RP1L1: variants seen among roughly 807,000 people sequenced by gnomAD.
RP1L1 encodes the protein RP1 like 1, also known as retinitis pigmentosa 1-like 1 protein.
Under a neutral mutation model 15.7 loss-of-function variants are expected in RP1L1, and 27 were observed. That is an observed-to-expected ratio of 1.72 (90% CI 1.27 to 2.38). The LOEUF is 2.38. Among genes scored for constraint, RP1L1 ranks in the 30% most tolerant of loss-of-function variants. The pLI is 0.00. For missense variants in RP1L1, 4,798 were observed against 3,075.9 expected (o/e 1.56, Z -13.24); for synonymous variants, 1,813 against 1,276.7 (o/e 1.42, Z -8.96).
At chr8:10,645,450 T>G (rs1005374128) in intron 1 of RP1L1, among the ~76,000 whole-genome samples, 3 of 152,176 alleles carry the variant, frequency 2.0e-5, no homozygotes, top group African/African-American at 7.2e-5. Flanking sequence ...AAATTAGTGG[T>G]GTCCAGACGT....
intron 3 of RP1L1, 79 bp from the exon 4 acceptor site, chr8:10,613,425 C>G (rs1482730368): frequency 2.5e-6 from 4 of 1,572,088 alleles, no homozygotes; most frequent in Middle Eastern, 1.7e-4. Flanking sequence ...AGGAATAAAA[C>G]AGTCACGAGC....
intron 1 of RP1L1, among the ~76,000 whole-genome samples, chr8:10,653,734 A>G (rs1798597374): frequency 6.6e-6 from 1 of 152,180 alleles, no homozygotes; most frequent in African/African-American, 2.4e-5. Flanking sequence ...GTTAGAAGAG[A>G]GCAGCAGGCC....
chr8:10,611,437 G>T lies in RP1L1; in HGVS notation c.2661C>A (p.Ser887Arg), dbSNP rs767595686. ...HQSTARGPGG[S>R]PQEGTRQPGP... is the part of the protein sequence containing the mutation. ...CTGGCTGGCGTGTCCCCTCCTGCGG[G>T]CTCCCACCTGGCCCCCGGGCAGTGC... Residue 887 changes from serine to arginine, a missense_variant, in exon 4 of 4, where the codon AGC becomes AGA. By Grantham distance (110) the Ser-to-Arg change is moderately radical (BLOSUM62 -1). Transcript: ENST00000382483. 6.3e-7 allele frequency: 1 copy of T among 1,575,122 alleles called. No homozygotes were observed.
Position 10,609,677 on chromosome 8 carries a change from T to C in RP1L1, c.4421A>G (p.Glu1474Gly). The C allele has an allele frequency of 6.2e-7, 1 of 1,612,446 alleles. No individual in the cohort carries two copies. The highest frequency in any genetic ancestry group is 1.1e-5 in the South Asian group (1 of 91,070). ...ASERQSGSQL[E>G]PGLEKPPGAT... ...TCCGGGCGGCTTTTCCAAACCAGGC[T>C]CAAGCTGGGAGCCACTCTGCCTCTC... The change falls in exon 4 of 4, where the codon GAG becomes GGG. Residue 1474 changes from glutamate (E) to glycine (G), a missense_variant. Glu to Gly is a moderately conservative substitution (Grantham distance 98). Coordinates refer to ENST00000382483, the MANE Select transcript of RP1L1 (RefSeq NM_178857.6).
In RP1L1 at chr8:10,612,543, C is replaced by T. The variant is rs775657453; in HGVS notation, c.1555G>A (p.Gly519Ser). ...CTCCGGGCCCTCGGTGTCAGGCGGC[C>T]GCCTTGCTCTGGGCCGCCCAGCCCT... is the stretch of plus-strand genomic sequence containing the variant. The part of the protein sequence containing the change: ...GAGLGGPEQG[G>S]RLTPRARSEE... The change falls in exon 4 of 4, where the codon GGC (glycine) becomes AGC (serine). Residue 519 changes from glycine (G) to serine (S), a missense_variant. Physicochemically the swap from Gly to Ser is moderately conservative, Grantham distance 56. Coordinates refer to ENST00000382483, the MANE Select transcript of RP1L1 (RefSeq NM_178857.6). 8.2e-5 allele frequency: 132 copies of T among 1,609,690 alleles called. No homozygotes were observed. In the East Asian group the frequency reaches 1.6e-3, roughly 20 times the overall value.
chr8:10,624,226 G>A (rs533862751), intron 1 of RP1L1, among the ~76,000 whole-genome samples: 8 of 152,246 alleles, frequency 5.3e-5, no homozygotes, highest in South Asian at 2.1e-4. Context: ...AGATTTCTGA[G>A]CATCTATTGC....
intron 1 of RP1L1, among the ~76,000 whole-genome samples, chr8:10,623,438 G>C (rs1798106299): frequency 6.6e-6 from 1 of 152,158 alleles, no homozygotes; most frequent in South Asian, 2.1e-4. Flanking sequence ...AATTGCTTGA[G>C]CTCAGGAGTT....
rs775956678 is a variant in RP1L1 at position 10,623,163 on chromosome 8, G to T, written c.39C>A (p.His13Gln). 3.1e-6 allele frequency: 5 copies of T among 1,587,704 alleles called. No homozygotes were observed. The highest frequency in any genetic ancestry group is 4.3e-6 in the Non-Finnish European group (5 of 1,165,818). The change falls in exon 2 of 4, where the codon CAC becomes CAA. Residue 13 changes from histidine to glutamine, a missense_variant. His to Gln is a conservative substitution (Grantham distance 24, BLOSUM62 0). Transcript: ENST00000382483. ...CCACAGAGGGCAGGAAGCACTCACGGTGGCTCGGGGCCTGGGCATTCCTGG... is the reference window on the plus strand; with the variant it reads ...CCACAGAGGGCAGGAAGCACTCACGTTGGCTCGGGGCCTGGGCATTCCTGG... ...STPRNAQAPS[H>Q]RECFLPSVAR...
In RP1L1 at chr8:10,622,766, TC is replaced by T. The variant is rs747832575; in HGVS notation, c.435del (p.Lys146ArgfsTer11). On this transcript the variant is annotated frameshift_variant, in exon 2 of 4. Coordinates refer to ENST00000382483, the MANE Select transcript of RP1L1 (RefSeq NM_178857.6). LOFTEE classifies it high-confidence loss of function. ...QREAPGTSSS[R>X]KSLKTPRRIL... Reference sequence around the variant, plus strand: ...ATCCTCCGGGGGGTTTTAAGACTCTTCCGGGAGGAGGAGGTGCCTGGGGCTT... The same window carrying T: ...ATCCTCCGGGGGGTTTTAAGACTCTTCGGGAGGAGGAGGTGCCTGGGGCTT... The T allele has an allele frequency of 3.1e-5, 50 of 1,613,868 alleles. No homozygotes were observed. The highest frequency in any genetic ancestry group is 4.2e-5 in the Non-Finnish European group (49 of 1,179,978).
chr8:10,626,114 C>T (rs759040614), intron 1 of RP1L1, among the ~76,000 whole-genome samples: 8 of 152,028 alleles, frequency 5.3e-5, no homozygotes, highest in South Asian at 2.1e-4. Flanking sequence ...AGGGGCAGGG[C>T]GGACCTGCAG....
intron 1 of RP1L1, among the ~76,000 whole-genome samples, chr8:10,645,859 G>A (rs1213464956): frequency 6.7e-6 from 1 of 149,098 alleles, no homozygotes; most frequent in Admixed American, 6.8e-5. Flanking sequence ...GCTCCACATG[G>A]CATGACAAGC....
rs2117202790 is a variant in RP1L1, at chr8:10,611,598, C to A, written c.2500G>T (p.Ala834Ser). 6.2e-7 allele frequency: 1 copy of A among 1,611,774 alleles called. No homozygotes were observed. The highest frequency in any genetic ancestry group is 2.2e-5 in the East Asian group (1 of 44,836). ...GAGGGTCCCCGCTGGGCCTCTTGGGCCGGCTGCGTCCCAGGCTGTGAGCAG... is the reference window on the plus strand; with the variant it reads ...GAGGGTCCCCGCTGGGCCTCTTGGGACGGCTGCGTCCCAGGCTGTGAGCAG... The part of the protein sequence containing the change: ...HCCSQPGTQP[A>S]QEAQRGPSPE... Residue 834 changes from alanine (A) to serine (S), a missense_variant, in exon 4 of 4, where the codon GCC becomes TCC. Physicochemically the swap from Ala to Ser is moderately conservative, Grantham distance 99. Transcript: ENST00000382483.
In RP1L1 at chr8:10,608,886, G is replaced by T. The variant is rs1172317112; in HGVS notation, c.5212C>A (p.Pro1738Thr). 2 of 1,613,790 alleles carry T rather than the reference G, an allele frequency of 1.2e-6. No homozygotes were observed. The highest frequency in any genetic ancestry group is 1.7e-6 in the Non-Finnish European group (2 of 1,180,026). Reference sequence around the variant, plus strand: ...CCATCCTCACCCTCGTCCACTCCAGGCCCCTGGCTCAGCCCCGGCCCCAGC... The same window carrying T: ...CCATCCTCACCCTCGTCCACTCCAGTCCCCTGGCTCAGCCCCGGCCCCAGC... ...GGLGPGLSQG[P>T]GVDEGEDGEG... The change falls in exon 4 of 4, where the codon CCT (proline) becomes ACT (threonine). Residue 1738 changes from proline (P) to threonine (T), a missense_variant. Physicochemically the swap from Pro to Thr is conservative, Grantham distance 38. Coordinates refer to ENST00000382483, the MANE Select transcript of RP1L1 (RefSeq NM_178857.6).
rs1797868578 is a variant in RP1L1, at chr8:10,612,059, G to C, written c.2039C>G (p.Ser680Cys). 6.2e-7 allele frequency: 1 copy of C among 1,613,792 alleles called. No homozygotes were observed. The highest frequency in any genetic ancestry group is 1.7e-5 in the Admixed American group (1 of 60,016). Residue 680 changes from serine to cysteine, a missense_variant, in exon 4 of 4, where the codon TCC becomes TGC. Coordinates refer to ENST00000382483, the MANE Select transcript of RP1L1 (RefSeq NM_178857.6). ...CCTCGGCACTTGCTTGGTTACAGAG[G>C]AGTCCAGTGGGCTGTGGGTGTCCTT... ...YRKDTHSPLDSSVTKQVPRPP... is the reference protein window; with the variant it reads ...YRKDTHSPLDCSVTKQVPRPP...
At position 10,610,481 on chromosome 8, in the gene RP1L1, C is replaced by T. The variant is rs765252503; in HGVS notation, c.3617G>A (p.Gly1206Asp). Reference protein sequence around the residue: ...TSSSGVDISSGSGGSGESSVP... With the variant: ...TSSSGVDISSDSGGSGESSVP... ...GCTACTCTCCCCTGAGCCTCCAGAG[C>T]CGCTGCTGATGTCCACACCAGAGGA... The change falls in exon 4 of 4, where the codon GGC becomes GAC. Residue 1206 changes from glycine to aspartate, a missense_variant. Gly to Asp is a moderately conservative substitution (Grantham distance 94). Transcript: ENST00000382483. The T allele has an allele frequency of 2.5e-6, 4 of 1,613,654 alleles. No homozygotes were observed. Among genetic ancestry groups the T allele is most frequent in the Admixed American group, 1.7e-5 (1 of 60,006 alleles).
intron 2 of RP1L1, 102 bp from the exon 3 acceptor site, chr8:10,616,689 T>A (rs2117213678): frequency 7.6e-7 from 1 of 1,316,966 alleles, no homozygotes; most frequent in Admixed American, 2.5e-5. Flanking sequence ...CCTGTCCTGA[T>A]TTCTGCACAT....
intron 3 of RP1L1, among the ~76,000 whole-genome samples, chr8:10,614,073 A>G (rs1797925895): frequency 6.6e-6 from 1 of 152,236 alleles, no homozygotes; most frequent in Admixed American, 6.5e-5. Flanking sequence ...GAGAGATGGC[A>G]GACTTGGCAG....
rs749739051 is a variant in RP1L1, at chr8:10,610,697, G to C, written c.3401C>G (p.Ser1134Cys). 2.5e-6 allele frequency: 4 copies of C among 1,613,604 alleles called. No homozygotes were observed. The highest frequency in any genetic ancestry group is 3.4e-6 in the Non-Finnish European group (4 of 1,180,012). The stretch of plus-strand genomic sequence containing the variant: ...TTTGAACCTCACTTTGCTGGCAGGA[G>C]ACCCAAGGTCTTCCTCAAATAACTG... The part of the protein sequence containing the change: ...SLQLFEEDLG[S>C]PASKVRFKDS... The change falls in exon 4 of 4, where the codon TCT becomes TGT. Residue 1134 changes from serine to cysteine, a missense_variant. Physicochemically the swap from Ser to Cys is moderately radical, Grantham distance 112. Transcript: ENST00000382483.
At position 10,611,099 on chromosome 8, in the gene RP1L1, A is replaced by C. The variant is rs778141991; in HGVS notation, c.2999T>G (p.Leu1000Arg). 4 of 1,612,690 alleles carry C rather than the reference A, an allele frequency of 2.5e-6. No individual in the cohort carries two copies. In the Admixed American group the frequency reaches 5.0e-5, roughly 20 times the overall value. ...PEVDPGDDHS[L>R]EGLGEPAQAG... ...CTGAGCTGGCTCCCCCAGGCCTTCC[A>C]GAGAATGGTCATCCCCAGGGTCCAC... is the stretch of plus-strand genomic sequence containing the variant. Residue 1000 changes from leucine to arginine, a missense_variant, in exon 4 of 4, where the codon CTG becomes CGG. Leu to Arg is a moderately radical substitution (Grantham distance 102). Coordinates refer to ENST00000382483, the MANE Select transcript of RP1L1 (RefSeq NM_178857.6).
Sources: allele counts gnomAD v4.1 joint callset (sites outside exome capture counted in the v4.1 genomes callset), GRCh38; gene constraint gnomAD v4.1.1; transcripts MANE v1.5; gene names NCBI Gene and HGNC (gene_info 2026-07-23, HGNC 2026-07-21).